FKBP5: variants seen among roughly 807,000 people sequenced by gnomAD.
FKBP5 encodes FKBP prolyl isomerase 5, also known as peptidyl-prolyl cis-trans isomerase FKBP5.
Under a neutral mutation model 50.5 loss-of-function variants are expected in FKBP5, and 23 were observed. The observed-to-expected ratio is 0.46, with a 90% CI of 0.33 to 0.65. FKBP5 has a LOEUF of 0.65. Ranked by LOEUF, FKBP5 falls within the 30% of genes least tolerant of loss-of-function variation. The pLI is 0.02. For missense variants in FKBP5, 411 were observed against 553.1 expected, an observed-to-expected ratio of 0.74 and a Z score of 2.58; for synonymous variants, 176 against 190.6, an observed-to-expected ratio of 0.92 and a Z score of 0.63.
intron 2 of FKBP5, among the ~76,000 whole-genome samples, chr6:35,638,584 A>T (rs1554134751): frequency 2.0e-5 from 3 of 151,836 alleles, no homozygotes; most frequent in African/African-American, 4.8e-5. Flanking sequence ...CGCCTGGCAA[A>T]TTTTTTTATT....
chr6:35,597,064 T>C (rs1007739229), intron 6 of FKBP5, among the ~76,000 whole-genome samples, 184 bp downstream of exon 6: 3 of 152,202 alleles, frequency 2.0e-5, no homozygotes, highest in African/African-American at 4.8e-5. Flanking sequence ...CAAGTAAACA[T>C]GCTCACAAAC....
chr6:35,717,092 A>ACC (rs1418582216), intron 2 of FKBP5, among the ~76,000 whole-genome samples: 1 of 152,162 alleles, frequency 6.6e-6, no homozygotes, highest in African/African-American at 2.4e-5. Flanking sequence ...CCTGCCAGGC[A>ACC]CCCAAACAAG....
intron 2 of FKBP5, among the ~76,000 whole-genome samples, chr6:35,702,128 G>A (rs1363988106): frequency 2.0e-5 from 3 of 152,052 alleles, no homozygotes; most frequent in Non-Finnish European, 4.4e-5. Flanking sequence ...GATTACAGGC[G>A]TGAGCCACCA....
intron 6 of FKBP5, among the ~76,000 whole-genome samples, chr6:35,592,369 A>G (rs1391094190): frequency 6.6e-6 from 1 of 152,086 alleles, no homozygotes; most frequent in African/African-American, 2.4e-5. Flanking sequence ...ACTCACCTCC[A>G]CTGTTACACA....
intron 5 of FKBP5, among the ~76,000 whole-genome samples, chr6:35,611,252 T>A (rs957610122): frequency 4.6e-5 from 7 of 152,214 alleles, no homozygotes; most frequent in Non-Finnish European, 1.0e-4. Context: ...CTTCTTCTTT[T>A]GAAAATCTTT....
intron 1 of FKBP5, among the ~76,000 whole-genome samples, chr6:35,667,264 C>T (rs1395014950): frequency 2.0e-5 from 3 of 152,092 alleles, no homozygotes; most frequent in African/African-American, 7.2e-5. Flanking sequence ...AGGCGTCAAG[C>T]ATTGTGCCTG....
In FKBP5 at chr6:35,578,806, T is replaced by A. The variant is rs80056832; in HGVS notation, c.1026+1230A>T. Reference sequence around the variant, plus strand: ...AAGAGGAAAATAAGGAGAACAGGCTTCCTATTGCCAAAGATAGGGTTAATA... The same window carrying A: ...AAGAGGAAAATAAGGAGAACAGGCTACCTATTGCCAAAGATAGGGTTAATA... On this transcript the variant is annotated intron_variant, in intron 9 of 10. Transcript: ENST00000357266. Among the ~76,000 whole-genome samples, 591 of 151,646 alleles carry A rather than the reference T, an allele frequency of 3.9e-3. 4 individuals are homozygous for A. Among genetic ancestry groups the A allele is most frequent in the African/African-American group, 0.013 (542 of 41,390 alleles).
chr6:35,717,257 C>T (rs1044884846), intron 2 of FKBP5, among the ~76,000 whole-genome samples: 1 of 152,256 alleles, frequency 6.6e-6, no homozygotes, highest in African/African-American at 2.4e-5. Context: ...ACAGTGTCCT[C>T]AGCTCAAGGC....
chr6:35,607,663 C>A, intron 5 of FKBP5: 1 of 154,992 alleles, frequency 6.5e-6, no homozygotes. Context: ...TGGGCCTCAA[C>A]AAGGGCCACA....
intron 1 of FKBP5, among the ~76,000 whole-genome samples, chr6:35,674,955 T>G (rs1765486991): frequency 6.6e-6 from 1 of 152,256 alleles, no homozygotes; most frequent in Non-Finnish European, 1.5e-5. Flanking sequence ...GATCATGTCC[T>G]GTTCATTTTG....
chr6:35,722,099 A>G (rs1766621491), intron 1 of FKBP5, among the ~76,000 whole-genome samples: 1 of 150,918 alleles, frequency 6.6e-6, no homozygotes, highest in Non-Finnish European at 1.5e-5. Flanking sequence ...CAGACCCCCC[A>G]TCACACTCCA....
intron 1 of FKBP5, among the ~76,000 whole-genome samples, chr6:35,687,979 T>C (rs1765880772): frequency 6.6e-6 from 1 of 152,250 alleles, no homozygotes; most frequent in African/African-American, 2.4e-5. Flanking sequence ...CCGGTGCACC[T>C]TTTTGGACGA....
At chr6:35,677,712 G>A (rs552881549) in intron 1 of FKBP5, among the ~76,000 whole-genome samples, 25 of 152,072 alleles carry the variant, frequency 1.6e-4, no homozygotes, top group African/African-American at 5.8e-4. Flanking sequence ...ATATCACCTT[G>A]GTTTAAATAT....
chr6:35,694,762 TC>T (rs1766055710), intron 2 of FKBP5, among the ~76,000 whole-genome samples: 2 of 152,152 alleles, frequency 1.3e-5, no homozygotes, highest in African/African-American at 2.4e-5. Context: ...TTCTTTGGGG[TC>T]CCAGTCTAAG....
intron 1 of FKBP5, among the ~76,000 whole-genome samples, chr6:35,655,396 T>C (rs1046721581): frequency 1.3e-5 from 2 of 152,190 alleles, no homozygotes; most frequent in Non-Finnish European, 2.9e-5. Context: ...AGGTTTTCTA[T>C]AGAAAGTCAA....
chr6:35,627,888 A>G (rs1033690901), intron 3 of FKBP5, among the ~76,000 whole-genome samples: 2 of 149,758 alleles, frequency 1.3e-5, no homozygotes, highest in East Asian at 2.0e-4. Context: ...CCACCTCCCA[A>G]GTAGCTGGGA....
intron 2 of FKBP5, among the ~76,000 whole-genome samples, chr6:35,717,192 T>C (rs568623273): frequency 3.3e-4 from 51 of 152,304 alleles, no homozygotes; most frequent in African/African-American, 1.2e-3. Flanking sequence ...AAGATTCCAG[T>C]TGGATACAAA....
At position 35,688,851 on chromosome 6, in the gene FKBP5, T is replaced by C. The variant is rs922476525; in HGVS notation, c.-67A>G. 9.9e-5 allele frequency: 15 copies of C among 150,996 alleles called. No homozygotes were observed. Among genetic ancestry groups the C allele is most frequent in the African/African-American group, 3.6e-4 (15 of 41,380 alleles). 9.4% of individuals were successfully genotyped at this position (150,996 alleles called of 1,614,324 possible). On this transcript the variant is annotated 5_prime_UTR_variant, in exon 1 of 11. Transcript: ENST00000357266. ...ACTCCGTCACTCTCCGCCTTGCCCG[T>C]GCTCCGCTAACCCTTCAGCCCGCCC...
At chr6:35,624,353 C>T (rs533684495) in intron 3 of FKBP5, among the ~76,000 whole-genome samples, 2 of 151,930 alleles carry the variant, frequency 1.3e-5, no homozygotes, top group Non-Finnish European at 2.9e-5. Context: ...AAAATTTTGT[C>T]TGGCCGGGCA....
Sources: gnomAD v4.1 joint callset for allele counts (sites outside exome capture counted in the v4.1 genomes callset) on GRCh38, gnomAD v4.1.1 for gene constraint, MANE v1.5 for transcripts, NCBI Gene and HGNC (gene_info 2026-07-23, HGNC 2026-07-21) for gene names.